GNG12: variants seen among roughly 807,000 people sequenced by gnomAD.
GNG12 encodes the protein guanine nucleotide-binding protein G(I)/G(S)/G(O) subunit gamma-12.
For synonymous variants in GNG12, 28 were observed against 29.7 expected (o/e 0.94, Z 0.19); for missense variants, 69 against 83.8 (o/e 0.82, Z 0.69).
rs1295278997 is a variant in GNG12, at chr1:67,724,630, T to G, written c.-26-16918A>C. Among the ~76,000 whole-genome samples the G allele has an allele frequency of 3.9e-5, 6 of 152,302 alleles. No individual in the cohort carries two copies. The South Asian group carries it at 1.0e-3, about 26-fold the overall frequency. ...GCCTCGAACTCCTGACCTCAGGAGA[T>G]CCACACACCTTGGCCTCCCAAAGTG... On this transcript the variant is annotated intron_variant, in intron 2 of 3. Transcript: ENST00000370982.
intron 1 of GNG12, among the ~76,000 whole-genome samples, chr1:67,782,338 A>C (rs1330860699): frequency 2.0e-5 from 3 of 152,186 alleles, no homozygotes; most frequent in African/African-American, 7.2e-5. Flanking sequence ...AAGGTTAAAA[A>C]CAGTGGGTTA....
chr1:67,728,726 A>G (rs933898806), intron 2 of GNG12, among the ~76,000 whole-genome samples: 1 of 152,192 alleles, frequency 6.6e-6, no homozygotes, highest in Non-Finnish European at 1.5e-5. Flanking sequence ...GCAGGGCAGG[A>G]CAGCTTTCTT....
chr1:67,750,143 T>C (rs1313499926), intron 2 of GNG12, among the ~76,000 whole-genome samples: 1 of 152,176 alleles, frequency 6.6e-6, no homozygotes, highest in East Asian at 1.9e-4. Flanking sequence ...CCTAATAAGG[T>C]AATACCACAT....
At chr1:67,732,634 G>A (rs1398950901) in intron 2 of GNG12, among the ~76,000 whole-genome samples, 1 of 152,170 alleles carries the variant, frequency 6.6e-6, no homozygotes, top group African/African-American at 2.4e-5. Context: ...GTATAACACT[G>A]CCTTTGCTTT....
At chr1:67,832,054 C>G (rs779345170) in intron 1 of GNG12, among the ~76,000 whole-genome samples, 3 of 152,178 alleles carry the variant, frequency 2.0e-5, no homozygotes, top group African/African-American at 7.2e-5. Flanking sequence ...CCAAAAGATT[C>G]ATTATACACA....
intron 1 of GNG12, among the ~76,000 whole-genome samples, chr1:67,800,512 G>C (rs772674957): frequency 6.6e-6 from 1 of 152,154 alleles, no homozygotes; most frequent in Non-Finnish European, 1.5e-5. Flanking sequence ...AAGATGGCAG[G>C]TTCAACTTGC....
intron 2 of GNG12, among the ~76,000 whole-genome samples, chr1:67,737,171 T>TA (rs1226849031): frequency 1.3e-5 from 2 of 152,214 alleles, no homozygotes; most frequent in African/African-American, 4.8e-5. Context: ...TACTGCAAAT[T>TA]AAAAATCATA....
At chr1:67,724,078 G>A (rs1472407769) in intron 2 of GNG12, among the ~76,000 whole-genome samples, 2 of 152,164 alleles carry the variant, frequency 1.3e-5, no homozygotes, top group African/African-American at 2.4e-5. Context: ...GTCAAGACAA[G>A]GAATTGTATC....
chr1:67,811,741 T>C (rs1646927133), intron 1 of GNG12, among the ~76,000 whole-genome samples: 1 of 152,182 alleles, frequency 6.6e-6, no homozygotes, highest in South Asian at 2.1e-4. Flanking sequence ...AAAAACACAT[T>C]TTATGTTTCA....
At chr1:67,781,400 T>G (rs1646736720) in intron 1 of GNG12, among the ~76,000 whole-genome samples, 1 of 152,190 alleles carries the variant, frequency 6.6e-6, no homozygotes, top group Non-Finnish European at 1.5e-5. Context: ...GTAAATCATG[T>G]GCTAGGGATG....
At chr1:67,767,636 G>A (rs564763496) in intron 2 of GNG12, among the ~76,000 whole-genome samples, 101 of 152,314 alleles carry the variant, frequency 6.6e-4, no homozygotes, top group African/African-American at 2.2e-3. Context: ...TCAATTGAGA[G>A]CATTTATCTA....
chr1:67,714,458 C>T (rs1332215316), intron 2 of GNG12, among the ~76,000 whole-genome samples: 1 of 152,184 alleles, frequency 6.6e-6, no homozygotes, highest in Admixed American at 6.5e-5. Flanking sequence ...GATAACAATA[C>T]TTTCCTATCT....
At chr1:67,808,334 C>T (rs767890916) in intron 1 of GNG12, among the ~76,000 whole-genome samples, 27 of 152,034 alleles carry the variant, frequency 1.8e-4, no homozygotes, top group Non-Finnish European at 3.5e-4. Flanking sequence ...AGAACATCTA[C>T]AAAATAGCCC....
intron 2 of GNG12, among the ~76,000 whole-genome samples, chr1:67,739,492 A>G (rs1646471004): frequency 6.6e-6 from 1 of 152,224 alleles, no homozygotes; most frequent in African/African-American, 2.4e-5. Context: ...CTGACATCAC[A>G]CAACTGATGA....
At chr1:67,787,282 G>A (rs1384560031) in intron 1 of GNG12, among the ~76,000 whole-genome samples, 2 of 152,036 alleles carry the variant, frequency 1.3e-5, no homozygotes, top group Non-Finnish European at 2.9e-5. Context: ...TTTACCACAA[G>A]AGGAAAGGAG....
intron 1 of GNG12, among the ~76,000 whole-genome samples, chr1:67,803,355 TA>T (rs199930560): frequency 1.1e-4 from 17 of 151,590 alleles, no homozygotes; most frequent in Non-Finnish European, 2.1e-4. Context: ...CTCTATAAAT[TA>T]AAAAAAAAAT....
intron 2 of GNG12, among the ~76,000 whole-genome samples, chr1:67,748,455 C>T (rs1557604149): frequency 6.6e-6 from 1 of 152,110 alleles, no homozygotes; most frequent in East Asian, 1.9e-4. Flanking sequence ...TTCAGTGAAA[C>T]ACAGGGATAT....
At chr1:67,751,049 A>G (rs1219659911) in intron 2 of GNG12, among the ~76,000 whole-genome samples, 1 of 152,070 alleles carries the variant, frequency 6.6e-6, no homozygotes, top group Non-Finnish European at 1.5e-5. Context: ...ATTTTTCACC[A>G]GTTTTTAACC....
intron 2 of GNG12, among the ~76,000 whole-genome samples, chr1:67,733,848 G>C (rs1646435618): frequency 6.6e-6 from 1 of 152,180 alleles, no homozygotes; most frequent in Non-Finnish European, 1.5e-5. Context: ...TGTGTACTGA[G>C]AGATCAGCCC....
Sources: gnomAD v4.1 joint callset for allele counts (sites outside exome capture counted in the v4.1 genomes callset) on GRCh38, gnomAD v4.1.1 for gene constraint, MANE v1.5 for transcripts, NCBI Gene and HGNC (gene_info 2026-07-23, HGNC 2026-07-21) for gene names.